Variants in PDZD2 observed in about 807,000 individuals in gnomAD.
PDZD2 encodes PDZ domain containing 2.
Under a neutral mutation model 220.7 loss-of-function variants are expected in PDZD2, and 90 were observed. The ratio of observed to expected loss-of-function variants is 0.41; its 90% CI spans 0.34 to 0.49. The LOEUF (loss-of-function observed/expected upper bound fraction) is 0.49, where lower values mean the gene tolerates loss of function less well. PDZD2 is among the 20% of genes least tolerant of loss of function. PDZD2 has a pLI of 0.28. For synonymous variants in PDZD2, 1,375 were observed against 1,450.5 expected, an observed-to-expected ratio of 0.95 and a Z score of 1.18; for missense variants, 3,174 against 3,608.5, an observed-to-expected ratio of 0.88 and a Z score of 3.08.
chr5:31,663,909 CTG>C (rs372002285), intron 1 of PDZD2, among the ~76,000 whole-genome samples: 134 of 152,028 alleles, frequency 8.8e-4, no homozygotes, highest in Non-Finnish European at 1.5e-3. Flanking sequence ...GCACATGTAT[CTG>C]TGTGTGAGTG....
At chr5:31,845,121 T>C (rs1403501729) in intron 2 of PDZD2, among the ~76,000 whole-genome samples, 1 of 152,210 alleles carries the variant, frequency 6.6e-6, no homozygotes, top group Non-Finnish European at 1.5e-5. Context: ...GCAATCGGAC[T>C]ATCAAACATC....
chr5:31,799,531 G>C lies in PDZD2; in HGVS notation c.283G>C (p.Asp95His), dbSNP rs1354812807. 2.5e-6 allele frequency: 4 copies of C among 1,614,154 alleles called. 1 individual carries two copies. Among genetic ancestry groups the C allele is most frequent in the Middle Eastern group, 3.3e-4 (2 of 6,062 alleles). The change falls in exon 2 of 25, where the codon GAC becomes CAC. Residue 95 changes from aspartate to histidine, a missense_variant. Asp to His is a moderately conservative substitution (Grantham distance 81). Transcript: ENST00000438447. The part of the protein sequence containing the change: ...LSFGNIPVFG[D>H]YGEKRRGGKK... ...TTTTGGGAACATCCCTGTTTTCGGG[G>C]ACTATGGTGAAAAGCGCAGGGGGGG...
At chr5:31,660,682 GAC>G (rs1182343990) in intron 1 of PDZD2, among the ~76,000 whole-genome samples, 1 of 152,162 alleles carries the variant, frequency 6.6e-6, no homozygotes, top group Non-Finnish European at 1.5e-5. Flanking sequence ...TCCCTCCCAT[GAC>G]ACATGGGGAT....
Position 31,676,460 on chromosome 5 carries a change from T to C in PDZD2, c.-361+37023T>C, listed in dbSNP as rs959699510. Among the ~76,000 whole-genome samples the C allele has an allele frequency of 5.9e-5, 9 of 151,920 alleles. No homozygotes were observed. The South Asian group carries it at 8.3e-4, about 14-fold the overall frequency. On this transcript the variant is annotated intron_variant, in intron 1 of 24. Coordinates refer to ENST00000438447, the MANE Select transcript of PDZD2 (RefSeq NM_178140.4). Reference sequence around the variant, plus strand: ...AAATAGACTTGAAGGCCAGAGAGATTGGGGTATGATGGAGATTGTGGGGAG... The same window carrying C: ...AAATAGACTTGAAGGCCAGAGAGATCGGGGTATGATGGAGATTGTGGGGAG...
At chr5:31,912,189 C>T (rs1743267394) in intron 2 of PDZD2, among the ~76,000 whole-genome samples, 1 of 152,132 alleles carries the variant, frequency 6.6e-6, no homozygotes, top group Non-Finnish European at 1.5e-5. Flanking sequence ...GCTGGGAAGT[C>T]CAAGATCCAG....
At chr5:31,651,323 TGCTG>T (rs1745339862) in intron 1 of PDZD2, among the ~76,000 whole-genome samples, 1 of 152,212 alleles carries the variant, frequency 6.6e-6, no homozygotes, top group South Asian at 2.1e-4. Flanking sequence ...ACTTCACCTC[TGCTG>T]TCATGAGTGG....
intron 1 of PDZD2, among the ~76,000 whole-genome samples, chr5:31,645,412 C>G (rs1294450955): frequency 1.3e-5 from 2 of 149,660 alleles, no homozygotes; most frequent in Non-Finnish European, 2.9e-5. Flanking sequence ...TCTTGGCTCA[C>G]TGCAACCTCT....
At chr5:31,758,520 G>C (rs1000589649) in intron 1 of PDZD2, among the ~76,000 whole-genome samples, 1 of 152,234 alleles carries the variant, frequency 6.6e-6, no homozygotes, top group African/African-American at 2.4e-5. Context: ...AGCACTAAGA[G>C]GGGAGGAGGG....
intron 10 of PDZD2, among the ~76,000 whole-genome samples, chr5:32,055,771 C>T (rs1391878171): frequency 6.6e-6 from 1 of 152,156 alleles, no homozygotes; most frequent in Non-Finnish European, 1.5e-5. Context: ...GACCAGGCTT[C>T]ATTCTCCCAC....
intron 1 of PDZD2, among the ~76,000 whole-genome samples, chr5:31,688,068 A>T (rs918930745): frequency 1.3e-5 from 2 of 152,188 alleles, no homozygotes; most frequent in Non-Finnish European, 2.9e-5. Context: ...GTCAAGCAGT[A>T]TATATACTGT....
In PDZD2 at chr5:32,098,266, G is replaced by A. The variant is rs1007709053; in HGVS notation, c.7948-98G>A. Reference sequence around the variant, plus strand: ...CAAAAAATAAAAATAAAAAAGGAAGGTTCCTTTACTACAGATACGCAGTTA... The same window carrying A: ...CAAAAAATAAAAATAAAAAAGGAAGATTCCTTTACTACAGATACGCAGTTA... On this transcript the variant is annotated intron_variant, in intron 22 of 24. Coordinates refer to ENST00000438447, the MANE Select transcript of PDZD2 (RefSeq NM_178140.4). The surrounding 1 kb of genome is among the most constrained non-coding windows in gnomAD (Gnocchi z 4.1). 1.7e-6 allele frequency: 2 copies of A among 1,188,556 alleles called. No individual in the cohort carries two copies. Among genetic ancestry groups the A allele is most frequent in the Admixed American group, 4.8e-5 (2 of 41,390 alleles). 73.6% of individuals were successfully genotyped at this position (1,188,556 alleles called of 1,614,324 possible).
chr5:31,737,890 T>C (rs545117505), intron 1 of PDZD2, among the ~76,000 whole-genome samples: 1 of 152,298 alleles, frequency 6.6e-6, no homozygotes, highest in South Asian at 2.1e-4. Flanking sequence ...TTAATTCTCA[T>C]AAGAACCGTA....
At position 31,949,828 on chromosome 5, in the gene PDZD2, AC is replaced by A. The variant is rs199941296; in HGVS notation, c.477-33326del. On this transcript the variant is annotated intron_variant, in intron 2 of 24. Coordinates refer to ENST00000438447, the MANE Select transcript of PDZD2 (RefSeq NM_178140.4). Reference sequence around the variant, plus strand: ...GCTGGGATTACAGGCATGCGCTACCACACCAGCTAATTTTTTTTTTTTTTTT... The same window carrying A: ...GCTGGGATTACAGGCATGCGCTACCAACCAGCTAATTTTTTTTTTTTTTTT... Among the ~76,000 whole-genome samples the A allele has an allele frequency of 1.7e-3, 232 of 132,820 alleles. 3 individuals carry two copies. In the East Asian group the frequency reaches 0.041, roughly 23 times the overall value. 87.1% of individuals were successfully genotyped at this position (132,820 alleles called of 152,430 possible).
intron 19 of PDZD2, among the ~76,000 whole-genome samples, chr5:32,079,033 G>A (rs1407518291): frequency 2.6e-5 from 4 of 151,504 alleles, no homozygotes; most frequent in Non-Finnish European, 5.9e-5. Flanking sequence ...CCAAGGGGGG[G>A]CCGATCACTT....
chr5:32,021,220 C>T (rs1754173020), intron 6 of PDZD2, among the ~76,000 whole-genome samples: 1 of 151,848 alleles, frequency 6.6e-6, no homozygotes, highest in East Asian at 1.9e-4. Context: ...GGACAAACTC[C>T]TCACCCCACC....
intron 2 of PDZD2, among the ~76,000 whole-genome samples, chr5:31,916,987 A>G (rs1276945137): frequency 6.6e-6 from 1 of 152,182 alleles, no homozygotes; most frequent in Non-Finnish European, 1.5e-5. Context: ...TTAGGCTGGC[A>G]TGAGTGGAAG....
rs11386922 is a variant in PDZD2, at chr5:31,728,002, CAA to C, written c.-360-70869_-360-70868del. ...TGGGCCACAGAGCCAGACTCTGTCT[CAA>C]AAAAAAAAAAAAAAAAAGATCAGGC... On this transcript the variant is annotated intron_variant, in intron 1 of 24. Coordinates refer to ENST00000438447, the MANE Select transcript of PDZD2 (RefSeq NM_178140.4). 6.6e-4 allele frequency among the ~76,000 whole-genome samples: 73 copies of C among 110,660 alleles called. No individual in the cohort carries two copies. The South Asian group carries it at 0.013, about 20-fold the overall frequency. The allele number at this position is 110,660 out of a possible 152,430, so 72.6% of individuals were successfully genotyped here.
rs1440966774 is a variant in PDZD2 at position 32,015,696 on chromosome 5, AAAAG to A, written c.1407+5220_1407+5223del. ...TCTCAAGTGTAAATAATGTCTTTGA[AAAAG>A]AAAGAGATTTTTCATGAGAAAAATC... is the stretch of plus-strand genomic sequence containing the variant. On this transcript the variant is annotated intron_variant, in intron 6 of 24. Transcript: ENST00000438447. Among the ~76,000 whole-genome samples, 9 of 152,128 alleles carry A rather than the reference AAAAG, an allele frequency of 5.9e-5. No individual in the cohort carries two copies. In the South Asian group the frequency reaches 8.3e-4, roughly 14 times the overall value.
intron 2 of PDZD2, among the ~76,000 whole-genome samples, chr5:31,857,091 AC>A: frequency 6.6e-6 from 1 of 151,880 alleles, no homozygotes; most frequent in South Asian, 2.1e-4. Context: ...GCCTCAGCAA[AC>A]CTCCTGCCTC....
Sources: allele counts gnomAD v4.1 joint callset (sites outside exome capture counted in the v4.1 genomes callset), GRCh38; gene constraint gnomAD v4.1.1; non-coding constraint Gnocchi (gnomAD v3.1); transcripts MANE v1.5; gene names NCBI Gene and HGNC (gene_info 2026-07-23, HGNC 2026-07-21).